PARK7: variants seen among roughly 807,000 people sequenced by gnomAD.
The protein encoded by PARK7 is Parkinsonism associated deglycase.
Under a neutral mutation model 20.5 loss-of-function variants are expected in PARK7, and 14 were observed. The ratio of observed to expected loss-of-function variants is 0.68; its 90% CI spans 0.45 to 1.07. The LOEUF (loss-of-function observed/expected upper bound fraction) is 1.07. Among genes scored for constraint, PARK7 ranks in the 50% least tolerant of loss-of-function variants. The pLI is 0.00. For synonymous variants in PARK7, 98 were observed against 84.3 expected (o/e 1.16, Z -0.89); for missense variants, 234 against 238.1 (o/e 0.98, Z 0.11).
Position 7,963,075 on chromosome 1 carries a change from C to G in PARK7, c.90+200C>G, listed in dbSNP as rs1263508800. On this transcript the variant is annotated intron_variant, in intron 2 of 6. Coordinates refer to ENST00000338639, the MANE Select transcript of PARK7 (RefSeq NM_007262.5). ...ATGTCTTGCCATATTTCCTTCAGAC[C>G]CATTTCTCTTTTGTTTTGAGCTCTG... Among the ~76,000 whole-genome samples the G allele has an allele frequency of 3.3e-5, 5 of 152,156 alleles. No individual in the cohort carries two copies. The East Asian group carries it at 5.8e-4, about 18-fold the overall frequency.
intron 6 of PARK7, among the ~76,000 whole-genome samples, chr1:7,981,200 C>T (rs578012226): frequency 6.6e-6 from 1 of 152,256 alleles, no homozygotes; most frequent in South Asian, 2.1e-4. Context: ...TGGGAAGTTT[C>T]CTTAGTGTCT....
chr1:7,977,397 G>A (rs546560559), intron 5 of PARK7, among the ~76,000 whole-genome samples: 3 of 152,326 alleles, frequency 2.0e-5, no homozygotes, highest in African/African-American at 7.2e-5. Context: ...TTTCATTTCA[G>A]AATCGTAGCT....
At position 7,961,718 on chromosome 1, in the gene PARK7, T is replaced by G. The variant is rs226249; in HGVS notation, c.-99T>G. On this transcript the variant is annotated 5_prime_UTR_variant, in exon 1 of 7. Transcript: ENST00000338639. The stretch of plus-strand genomic sequence containing the variant: ...GCGCGTGCGTGCTGGCGTGCGTTCA[T>G]TTTCAGCCTGGTGTGGGGTGAGTGG... 6.5e-6 allele frequency: 1 copy of G among 152,942 alleles called. No individual in the cohort carries two copies. The highest frequency in any genetic ancestry group is 1.5e-5 in the Non-Finnish European group (1 of 68,576). 9.5% of individuals were successfully genotyped at this position (152,942 alleles called of 1,614,324 possible). A position where few individuals can be genotyped will look rare whatever the true frequency, so the allele number is the denominator to read the frequency against.
intron 6 of PARK7, among the ~76,000 whole-genome samples, chr1:7,981,082 G>A (rs1219828442): frequency 6.6e-6 from 1 of 152,064 alleles, no homozygotes; most frequent in Non-Finnish European, 1.5e-5. Context: ...TTTCTCATTT[G>A]TCCACTGTTT....
At chr1:7,967,549 C>A (rs1640355046) in intron 3 of PARK7, among the ~76,000 whole-genome samples, 1 of 152,048 alleles carries the variant, frequency 6.6e-6, no homozygotes, top group African/African-American at 2.4e-5. Flanking sequence ...AAAATAAATT[C>A]TATACTTTAC....
At chr1:7,981,735 G>A (rs1297132681) in intron 6 of PARK7, among the ~76,000 whole-genome samples, 1 of 148,252 alleles carries the variant, frequency 6.7e-6, no homozygotes, top group Non-Finnish European at 1.5e-5. Flanking sequence ...CTGTGCTCAC[G>A]GCAAGCTCCG....
At chr1:7,969,133 A>G (rs1009039334) in intron 3 of PARK7, 3 of 538,742 alleles carry the variant, frequency 5.6e-6, no homozygotes, top group African/African-American at 3.8e-5. Flanking sequence ...ACATCCTTGC[A>G]TGTCACTACA....
chr1:7,973,198 G>A (rs971171825), intron 5 of PARK7, among the ~76,000 whole-genome samples: 3 of 152,220 alleles, frequency 2.0e-5, no homozygotes, highest in East Asian at 1.9e-4. Context: ...GGTCTTGTAC[G>A]TGGGCTTACT....
intron 5 of PARK7, among the ~76,000 whole-genome samples, chr1:7,975,995 G>T (rs1640577300): frequency 6.6e-6 from 1 of 152,182 alleles, no homozygotes. Context: ...TATAAATCAG[G>T]ACTTGGTCTG....
At chr1:7,963,594 C>A (rs138742301) in intron 2 of PARK7, among the ~76,000 whole-genome samples, 5 of 151,534 alleles carry the variant, frequency 3.3e-5, no homozygotes, top group Non-Finnish European at 7.4e-5. Flanking sequence ...AGGTTGGTCT[C>A]GAACTCCTGG....
chr1:7,975,202 CAA>C (rs1212519450), intron 5 of PARK7, among the ~76,000 whole-genome samples: 1 of 152,070 alleles, frequency 6.6e-6, no homozygotes, highest in Non-Finnish European at 1.5e-5. Context: ...ATTTTGAACA[CAA>C]AGAATATTAG....
Position 7,965,445 on chromosome 1 carries a change from A to C in PARK7, c.192+20A>C. The C allele has an allele frequency of 6.3e-7, 1 of 1,595,048 alleles. No homozygotes were observed. Reference sequence around the variant, plus strand: ...AAAGAGGTTTGTAATCCATACATGGAGTTATTCCTTCATATGGCTTCTTTG... The same window carrying C: ...AAAGAGGTTTGTAATCCATACATGGCGTTATTCCTTCATATGGCTTCTTTG... On this transcript the variant is annotated intron_variant, in intron 3 of 6. Transcript: ENST00000338639.
chr1:7,963,954 T>G (rs1640268958), intron 2 of PARK7, among the ~76,000 whole-genome samples: 1 of 151,950 alleles, frequency 6.6e-6, no homozygotes, highest in Admixed American at 6.6e-5. Flanking sequence ...TAGCTGGGAT[T>G]ACAGGTGCGC....
chr1:7,974,932 T>C (rs1640546524), intron 5 of PARK7, among the ~76,000 whole-genome samples: 1 of 150,758 alleles, frequency 6.6e-6, no homozygotes, highest in Non-Finnish European at 1.5e-5. Flanking sequence ...TTCGGCTCAC[T>C]GCAACCTCCA....
chr1:7,982,460 G>T (rs1435410085), intron 6 of PARK7, among the ~76,000 whole-genome samples: 1 of 152,176 alleles, frequency 6.6e-6, no homozygotes, highest in Non-Finnish European at 1.5e-5. Flanking sequence ...TGCTGATGGG[G>T]TGCATGTTCT....
chr1:7,977,169 C>G (rs1176948016), intron 5 of PARK7, among the ~76,000 whole-genome samples: 1 of 152,166 alleles, frequency 6.6e-6, no homozygotes, highest in African/African-American at 2.4e-5. Context: ...GTGATCCTCC[C>G]CCTCCTTTGG....
rs371514726 is a variant in PARK7 at position 7,984,978 on chromosome 1, C to T, written c.494C>T (p.Ala165Val). The T allele has an allele frequency of 3.1e-6, 5 of 1,614,066 alleles. No homozygotes were observed. Among genetic ancestry groups the T allele is most frequent in the Admixed American group, 1.7e-5 (1 of 59,998 alleles). Reference protein sequence around the residue: ...SRGPGTSFEFALAIVEALNGK... With the variant: ...SRGPGTSFEFVLAIVEALNGK... ...GGGCCTGGGACCAGCTTCGAGTTTG[C>T]GCTTGCAATTGTTGAAGCCCTGAAT... The change falls in exon 7 of 7, where the codon GCG (alanine) becomes GTG (valine). Residue 165 changes from alanine (A) to valine (V), a missense_variant. Physicochemically the swap from Ala to Val is moderately conservative, Grantham distance 64. Transcript: ENST00000338639. The surrounding 1 kb of genome is among the most constrained non-coding windows in gnomAD (Gnocchi z 4.3).
At chr1:7,976,792 C>T (rs1462993738) in intron 5 of PARK7, among the ~76,000 whole-genome samples, 2 of 152,214 alleles carry the variant, frequency 1.3e-5, no homozygotes, top group Non-Finnish European at 2.9e-5. Context: ...ACGATCTTGG[C>T]TCACTGAAAG....
At chr1:7,978,392 GT>G (rs34698566) in intron 6 of PARK7, among the ~76,000 whole-genome samples, 46,105 of 135,924 alleles carry the variant, frequency 0.34, 7,605 homozygotes, top group African/African-American at 0.45. Flanking sequence ...CCTGTGTGTG[GT>G]TTTTTTTTTT....
Sources: gnomAD v4.1 joint callset for allele counts (sites outside exome capture counted in the v4.1 genomes callset) on GRCh38, gnomAD v4.1.1 for gene constraint, Gnocchi (gnomAD v3.1) non-coding constraint, MANE v1.5 for transcripts, NCBI Gene and HGNC (gene_info 2026-07-23, HGNC 2026-07-21) for gene names.